The following MBOAT1 variants were observed in gnomAD, a reference collection of about 807,000 sequenced individuals.
MBOAT1 encodes membrane bound glycerophospholipid O-acyltransferase 1.
In MBOAT1, 67 loss-of-function variants were observed where a neutral mutation model predicts 64.4. The observed-to-expected ratio is 1.04, with a 90% confidence interval of 0.85 to 1.27. The LOEUF (loss-of-function observed/expected upper bound fraction) is 1.27. MBOAT1 is among the 50% of genes most tolerant of loss of function. The probability of loss-of-function intolerance (pLI) is 0.00; values close to 1 mark genes in which losing one functional copy is unlikely to be tolerated. For missense variants in MBOAT1, 563 were observed against 604.6 expected, an observed-to-expected ratio of 0.93 and a Z score of 0.72; for synonymous variants, 229 against 218.9, an observed-to-expected ratio of 1.05 and a Z score of -0.41.
At chr6:20,118,288 C>A in intron 9 of MBOAT1, 149 bp downstream of exon 9, 4 of 619,652 alleles carry the variant, frequency 6.5e-6, no homozygotes, top group East Asian at 3.0e-5. Context: ...TTCTGAGATG[C>A]AAAATGTCCA....
Position 20,135,169 on chromosome 6 carries a change from C to A in MBOAT1, c.420-3970G>T, listed in dbSNP as rs1760946653. On this transcript the variant is annotated intron_variant, in intron 4 of 12. Transcript: ENST00000324607. ...CAACCTGGAGTTGGATAGACTCCAG[C>A]ATGGATGAAGTAGGGCTATTTTACT... Among the ~76,000 whole-genome samples the A allele has an allele frequency of 2.6e-5, 4 of 151,992 alleles. No homozygotes were observed. In the South Asian group the frequency reaches 6.2e-4, roughly 24 times the overall value.
chr6:20,160,706 C>T lies in MBOAT1; in HGVS notation c.100-7937G>A, dbSNP rs77419877. On this transcript the variant is annotated intron_variant, in intron 1 of 12. Coordinates refer to ENST00000324607, the MANE Select transcript of MBOAT1 (RefSeq NM_001080480.3). ...CAAACAGTACTCTTTTGCATTGCCC[C>T]CTACAAATAAATGTAGCTGGGAAAG... is the stretch of plus-strand genomic sequence containing the variant. Among the ~76,000 whole-genome samples the T allele has an allele frequency of 7.1e-3, 1,079 of 152,248 alleles. 11 individuals are homozygous for T. The highest frequency in any genetic ancestry group is 0.024 in the Middle Eastern group (7 of 294).
In MBOAT1 at chr6:20,126,613, G is replaced by A; in HGVS notation, c.618C>T (p.Tyr206=). Residue 206 remains tyrosine (Y), a synonymous_variant, in exon 7 of 13, where the codon TAC becomes TAT. Coordinates refer to ENST00000324607, the MANE Select transcript of MBOAT1 (RefSeq NM_001080480.3). Reference sequence around the variant, plus strand: ...TATGCTTCCCCTCAATGAAGGCTATGTAGTCCTTGAAATTGTTACAAGGAC... The same window carrying A: ...TATGCTTCCCCTCAATGAAGGCTATATAGTCCTTGAAATTGTTACAAGGAC... ...IAGPCNNFKD[Y]IAFIEGKHIH... 2 of 1,613,790 alleles carry A rather than the reference G, an allele frequency of 1.2e-6. No individual in the cohort carries two copies. The highest frequency in any genetic ancestry group is 1.7e-6 in the Non-Finnish European group (2 of 1,179,818).
chr6:20,120,873 G>A lies in MBOAT1; in HGVS notation c.908-2333C>T, dbSNP rs148862099. Among the ~76,000 whole-genome samples the A allele has an allele frequency of 1.6e-3, 243 of 152,234 alleles. 2 individuals carry two copies. The highest frequency in any genetic ancestry group is 5.3e-3 in the African/African-American group (220 of 41,532). ...ATCCCACAGTCATTTATCCAAGCCT[G>A]GTTTTTGTCTCAGAGCAGTAACAGG... On this transcript the variant is annotated intron_variant, in intron 8 of 12. Transcript: ENST00000324607.
chr6:20,157,567 C>A (rs990171577), intron 1 of MBOAT1, among the ~76,000 whole-genome samples: 1 of 152,086 alleles, frequency 6.6e-6, no homozygotes, highest in African/African-American at 2.4e-5. Context: ...TACCTACGTA[C>A]ACTCACATAC....
intron 4 of MBOAT1, among the ~76,000 whole-genome samples, chr6:20,136,689 G>A (rs59406097): frequency 0.021 from 3,192 of 152,226 alleles, 123 homozygotes; most frequent in African/African-American, 0.073. Flanking sequence ...AAGGCAACAA[G>A]GAACACAAAC....
At chr6:20,132,497 T>C (rs948122732) in intron 4 of MBOAT1, among the ~76,000 whole-genome samples, 4 of 152,326 alleles carry the variant, frequency 2.6e-5, no homozygotes, top group East Asian at 1.9e-4. Context: ...CAAGGTATCT[T>C]AATGAGGGGA....
intron 3 of MBOAT1, among the ~76,000 whole-genome samples, chr6:20,145,914 C>T (rs1211420792): frequency 1.3e-5 from 2 of 152,176 alleles, no homozygotes; most frequent in East Asian, 1.9e-4. Flanking sequence ...TCCCCATCCC[C>T]AGCACAATTC....
At chr6:20,196,771 G>A (rs2113764137) in intron 1 of MBOAT1, among the ~76,000 whole-genome samples, 1 of 151,938 alleles carries the variant, frequency 6.6e-6, no homozygotes, top group African/African-American at 2.4e-5. Context: ...TGAGGCAGGA[G>A]AATCACTTGA....
chr6:20,187,591 T>G (rs1762690018), intron 1 of MBOAT1, among the ~76,000 whole-genome samples: 1 of 152,182 alleles, frequency 6.6e-6, no homozygotes, highest in Non-Finnish European at 1.5e-5. Flanking sequence ...CTATCTCAAT[T>G]TTCAACAAAG....
intron 1 of MBOAT1, among the ~76,000 whole-genome samples, chr6:20,175,741 G>C (rs1762326023): frequency 6.6e-6 from 1 of 151,594 alleles, no homozygotes; most frequent in South Asian, 2.1e-4. Context: ...CAAAGTGCTA[G>C]GATTACAGGC....
intron 8 of MBOAT1, 108 bp from the exon 9 acceptor site, chr6:20,118,648 T>A: frequency 1.2e-6 from 1 of 840,924 alleles, no homozygotes; most frequent in Non-Finnish European, 1.8e-6. Flanking sequence ...TATGCAGTAG[T>A]GTCTTTGGAA....
chr6:20,118,038 G>A (rs989837565), intron 9 of MBOAT1, among the ~76,000 whole-genome samples: 2 of 152,136 alleles, frequency 1.3e-5, no homozygotes, highest in Non-Finnish European at 2.9e-5. Context: ...GAACCACATA[G>A]AACGTTTGCA....
chr6:20,153,405 G>A (rs1016181023), intron 1 of MBOAT1, among the ~76,000 whole-genome samples: 31 of 152,122 alleles, frequency 2.0e-4, no homozygotes, highest in Admixed American at 1.8e-3. Flanking sequence ...CTCACCCCCA[G>A]CAGGACCCTA....
At chr6:20,130,741 A>G (rs1415517042) in intron 5 of MBOAT1, among the ~76,000 whole-genome samples, 2 of 152,182 alleles carry the variant, frequency 1.3e-5, no homozygotes, top group Non-Finnish European at 2.9e-5. Flanking sequence ...GCATTTAAAA[A>G]TGATTAACCA....
chr6:20,168,528 A>AAGAGGAGAGG (rs748574504), intron 1 of MBOAT1, among the ~76,000 whole-genome samples: 1,680 of 67,080 alleles, frequency 0.025, 10 homozygotes, highest in Non-Finnish European at 0.028. Flanking sequence ...GAGAGGAGAG[A>AAGAGGAGAGG]AGAGGAGAGG....
intron 3 of MBOAT1, among the ~76,000 whole-genome samples, chr6:20,147,588 A>C (rs1451895441): frequency 6.6e-6 from 1 of 152,048 alleles, no homozygotes; most frequent in East Asian, 1.9e-4. Flanking sequence ...GCAGTGAGCC[A>C]AGATTGCGCC....
At chr6:20,103,576 C>T (rs1759865217) in intron 12 of MBOAT1, among the ~76,000 whole-genome samples, 1 of 151,956 alleles carries the variant, frequency 6.6e-6, no homozygotes, top group Non-Finnish European at 1.5e-5. Flanking sequence ...GGACTACATG[C>T]GCCACCACGC....
At chr6:20,198,026 GA>G (rs1195894747) in intron 1 of MBOAT1, among the ~76,000 whole-genome samples, 1 of 152,122 alleles carries the variant, frequency 6.6e-6, no homozygotes, top group East Asian at 1.9e-4. Flanking sequence ...AGGAGTTTGA[GA>G]CCAGCCTGGT....
Sources: gnomAD v4.1 joint callset for allele counts (sites outside exome capture counted in the v4.1 genomes callset) on GRCh38, gnomAD v4.1.1 for gene constraint, MANE v1.5 for transcripts, NCBI Gene and HGNC (gene_info 2026-07-23, HGNC 2026-07-21) for gene names.